Variants in SYTL5 observed in about 807,000 individuals in gnomAD.
SYTL5 encodes the protein synaptotagmin like 5.
SYTL5 carries 34 observed loss-of-function variants against 55.9 expected under a neutral mutation model. The ratio of observed to expected loss-of-function variants is 0.61; its 90% CI spans 0.46 to 0.81. The LOEUF is 0.81. SYTL5 is among the 30% of genes least tolerant of loss of function. The probability of loss-of-function intolerance (pLI) is 0.00; values close to 1 mark genes in which losing one functional copy is unlikely to be tolerated. For synonymous variants in SYTL5, 221 were observed against 188.7 expected, an observed-to-expected ratio of 1.17 and a Z score of -1.40; for missense variants, 637 against 546.7, an observed-to-expected ratio of 1.17 and a Z score of -1.65.
chrX:38,120,135 T>C (rs1216259555), intron 13 of SYTL5, among the ~76,000 whole-genome samples: 1 of 112,649 alleles, frequency 8.9e-6, no homozygotes, highest in Non-Finnish European at 1.9e-5. Context: ...AAATTTCTTT[T>C]ACTTAAATGT....
intron 7 of SYTL5, among the ~76,000 whole-genome samples, chrX:38,092,393 G>A (rs150777082): frequency 2.2e-4 from 24 of 111,340 alleles, no homozygotes; most frequent in African/African-American, 6.5e-4. Flanking sequence ...CAGGGAGGCC[G>A]ACAATGCAGC....
At chrX:37,951,300 T>A in the SYTL5 span, among the ~76,000 whole-genome samples, 1 of 111,933 alleles carries the variant, frequency 8.9e-6, no homozygotes, top group African/African-American at 3.2e-5. Context: ...TTGAATCACA[T>A]GTATTAATAG....
chrX:37,899,048 A>C, the SYTL5 span, among the ~76,000 whole-genome samples: 1 of 112,164 alleles, frequency 8.9e-6, no homozygotes, highest in African/African-American at 3.2e-5. Context: ...GTTTGCAGTA[A>C]GAATACTTGA....
intron 3 of SYTL5, among the ~76,000 whole-genome samples, chrX:38,058,108 A>T (rs995936142): frequency 2.7e-5 from 3 of 111,162 alleles, no homozygotes; most frequent in African/African-American, 9.8e-5. Flanking sequence ...CTTATAATCC[A>T]CCTGAAACTT....
At chrX:37,925,651 G>T in the SYTL5 span, among the ~76,000 whole-genome samples, 10 of 110,734 alleles carry the variant, frequency 9.0e-5, no homozygotes, top group African/African-American at 3.3e-4. Context: ...GGTGGTATTT[G>T]GTTACATGAG....
chrX:37,960,198 G>GTC, the SYTL5 span, among the ~76,000 whole-genome samples: 1 of 111,886 alleles, frequency 8.9e-6, no homozygotes, highest in East Asian at 2.8e-4. Flanking sequence ...TGTCCCGATA[G>GTC]TCTCTGGCTT....
chrX:38,113,934 G>C (rs955599905), intron 13 of SYTL5, among the ~76,000 whole-genome samples: 1 of 111,465 alleles, frequency 9.0e-6, no homozygotes, highest in African/African-American at 3.3e-5. Flanking sequence ...GATTGGAACA[G>C]CTCTGAAGTG....
the SYTL5 span, among the ~76,000 whole-genome samples, chrX:37,984,418 T>C: frequency 1.8e-5 from 2 of 111,744 alleles, no homozygotes; most frequent in African/African-American, 6.5e-5. Flanking sequence ...CATAAACTAC[T>C]GAAACTGACT....
intron 6 of SYTL5, among the ~76,000 whole-genome samples, chrX:38,077,486 C>A (rs1033878039): frequency 1.8e-5 from 2 of 111,015 alleles, no homozygotes; most frequent in African/African-American, 6.6e-5. Context: ...AGGAAGAATG[C>A]AAGCAGAATT....
the SYTL5 span, among the ~76,000 whole-genome samples, chrX:37,958,221 AC>A: frequency 9.1e-6 from 1 of 110,379 alleles, no homozygotes; most frequent in Non-Finnish European, 1.9e-5. Context: ...AAAAAAAAAA[AC>A]AAAAAAAACC....
intron 6 of SYTL5, among the ~76,000 whole-genome samples, chrX:38,080,227 A>G (rs1358619396): frequency 9.0e-6 from 1 of 111,698 alleles, no homozygotes; most frequent in Non-Finnish European, 1.9e-5. Context: ...CAACAATGTT[A>G]TCTTTAAAAA....
At chrX:38,060,859 C>G (rs919869254) in intron 3 of SYTL5, among the ~76,000 whole-genome samples, 2 of 112,062 alleles carry the variant, frequency 1.8e-5, no homozygotes, top group East Asian at 2.8e-4. Flanking sequence ...ACTTCTGAAT[C>G]AATTGCACTA....
intron 2 of SYTL5, among the ~76,000 whole-genome samples, chrX:38,043,702 T>C (rs868171464): frequency 0.013 from 1,175 of 89,626 alleles, 18 homozygotes; most frequent in African/African-American, 0.032. Context: ...CATATATATA[T>C]ACATATTTTC....
At chrX:37,951,623 G>A in the SYTL5 span, among the ~76,000 whole-genome samples, 2 of 110,805 alleles carry the variant, frequency 1.8e-5, no homozygotes, top group South Asian at 3.8e-4. Flanking sequence ...CCATAAACTG[G>A]GTTAAGGAGA....
chrX:38,002,716 G>C (rs1933887304), upstream of SYTL5, among the ~76,000 whole-genome samples: 1 of 111,761 alleles, frequency 8.9e-6, no homozygotes, highest in Non-Finnish European at 1.9e-5. Context: ...GGGGTTGTTT[G>C]TCTTTTTTCT....
the SYTL5 span, among the ~76,000 whole-genome samples, chrX:37,987,914 C>G: frequency 8.9e-6 from 1 of 111,818 alleles, no homozygotes; most frequent in African/African-American, 3.3e-5. Flanking sequence ...TTGTTTGCTT[C>G]CTTTCCTTCT....
the SYTL5 span, among the ~76,000 whole-genome samples, chrX:37,966,213 A>G: frequency 9.1e-6 from 1 of 110,328 alleles, no homozygotes; most frequent in African/African-American, 3.3e-5. Context: ...TGTGTTTCAT[A>G]GATTTTTGTA....
At chrX:38,011,217 T>G (rs941867770) in intron 1 of SYTL5, among the ~76,000 whole-genome samples, 2 of 112,678 alleles carry the variant, frequency 1.8e-5, no homozygotes, top group Non-Finnish European at 3.7e-5. Flanking sequence ...AGATTTATAC[T>G]AAGTAATCCA....
intron 5 of SYTL5, among the ~76,000 whole-genome samples, chrX:38,074,238 G>A (rs1033318510): frequency 2.1e-4 from 23 of 111,790 alleles, no homozygotes; most frequent in African/African-American, 6.2e-4. Flanking sequence ...GGAATGGGAG[G>A]TACATAAGGG....
Sources: allele counts gnomAD v4.1 joint callset (sites outside exome capture counted in the v4.1 genomes callset), GRCh38; gene constraint gnomAD v4.1.1; transcripts MANE v1.5; gene names NCBI Gene and HGNC (gene_info 2026-07-23, HGNC 2026-07-21).